JAZF1: variants seen among roughly 807,000 people sequenced by gnomAD.
JAZF1 encodes JAZF zinc finger 1.
Under a neutral mutation model 26.4 loss-of-function variants are expected in JAZF1, and 8 were observed. The ratio of observed to expected loss-of-function variants is 0.30; its 90% CI spans 0.18 to 0.55. JAZF1 has a LOEUF of 0.55. Among genes scored for constraint, JAZF1 ranks in the 20% least tolerant of loss-of-function variants. JAZF1 has a pLI of 0.94. For missense variants in JAZF1, 199 were observed against 322.0 expected, an observed-to-expected ratio of 0.62 and a Z score of 2.92; for synonymous variants, 126 against 122.3, an observed-to-expected ratio of 1.03 and a Z score of -0.20.
chr7:28,071,442 G>A (rs7783206), intron 1 of JAZF1, among the ~76,000 whole-genome samples: 25,811 of 152,122 alleles, frequency 0.17, 4,426 homozygotes, highest in African/African-American at 0.43. Context: ...AAAATCTTTA[G>A]TCCTCCTTTC....
intron 1 of JAZF1, among the ~76,000 whole-genome samples, chr7:28,153,040 G>C (rs937663642): frequency 1.1e-4 from 17 of 152,230 alleles, no homozygotes; most frequent in African/African-American, 3.6e-4. Context: ...TCATGTAAAA[G>C]GTTTGTTGAG....
intron 3 of JAZF1, among the ~76,000 whole-genome samples, chr7:27,894,530 C>G (rs897051584): frequency 3.9e-5 from 6 of 152,048 alleles, no homozygotes; most frequent in African/African-American, 1.5e-4. Context: ...AGGCGAGGAC[C>G]TGGAGGAGAG....
intron 3 of JAZF1, among the ~76,000 whole-genome samples, chr7:27,849,245 G>T (rs1164687589): frequency 6.6e-6 from 1 of 152,244 alleles, no homozygotes; most frequent in African/African-American, 2.4e-5. Flanking sequence ...GTGACGTTCA[G>T]TGTGTGAGCA....
intron 1 of JAZF1, among the ~76,000 whole-genome samples, chr7:28,154,838 A>G (rs188905470): frequency 6.6e-6 from 1 of 152,028 alleles, no homozygotes; most frequent in Non-Finnish European, 1.5e-5. Flanking sequence ...TGAAAAAAAA[A>G]GGGGGCTCTC....
chr7:28,175,624 C>T (rs532093662), intron 1 of JAZF1, among the ~76,000 whole-genome samples: 2 of 152,176 alleles, frequency 1.3e-5, no homozygotes, highest in Non-Finnish European at 2.9e-5. Flanking sequence ...AGGCTGGATT[C>T]GCTATGCCAC....
At chr7:28,018,013 C>T (rs1375588330) in intron 1 of JAZF1, among the ~76,000 whole-genome samples, 2 of 152,138 alleles carry the variant, frequency 1.3e-5, no homozygotes, top group Non-Finnish European at 2.9e-5. Flanking sequence ...CTCGGGTGAT[C>T]CGCCCACCTC....
chr7:27,856,122 C>G (rs1783244913), intron 3 of JAZF1, among the ~76,000 whole-genome samples: 1 of 152,204 alleles, frequency 6.6e-6, no homozygotes, highest in African/African-American at 2.4e-5. Context: ...GTGTGTGTTA[C>G]AGTTCTTAAA....
At chr7:28,076,351 G>A (rs1364887412) in intron 1 of JAZF1, among the ~76,000 whole-genome samples, 2 of 152,132 alleles carry the variant, frequency 1.3e-5, no homozygotes, top group African/African-American at 4.8e-5. Context: ...AACAGAAACT[G>A]TGACAATAAA....
intron 1 of JAZF1, among the ~76,000 whole-genome samples, chr7:28,118,757 G>A (rs1339380810): frequency 8.8e-6 from 1 of 113,088 alleles, no homozygotes; most frequent in Non-Finnish European, 1.8e-5. Context: ...TTCTAAGAGA[G>A]TTTTACACAC....
intron 1 of JAZF1, among the ~76,000 whole-genome samples, chr7:28,154,172 A>G (rs554854677): frequency 6.6e-6 from 1 of 152,278 alleles, no homozygotes; most frequent in Admixed American, 6.5e-5. Flanking sequence ...GGCTTATATG[A>G]CTATTTAAGA....
chr7:28,094,378 C>A (rs1433313276), intron 1 of JAZF1, among the ~76,000 whole-genome samples: 1 of 152,196 alleles, frequency 6.6e-6, no homozygotes, highest in African/African-American at 2.4e-5. Context: ...AACCAAAGGG[C>A]TGACTCGCCA....
intron 1 of JAZF1, among the ~76,000 whole-genome samples, chr7:28,145,460 C>A (rs772699993): frequency 6.6e-6 from 1 of 152,264 alleles, no homozygotes; most frequent in East Asian, 1.9e-4. Context: ...CTTAATCTTA[C>A]CCCTAAGTAA....
intron 2 of JAZF1, among the ~76,000 whole-genome samples, chr7:27,957,685 G>A (rs2128356387): frequency 6.6e-6 from 1 of 152,242 alleles, no homozygotes; most frequent in African/African-American, 2.4e-5. Flanking sequence ...TCAGACTACT[G>A]CAATTACACA....
Position 28,119,526 on chromosome 7 carries a change from A to G in JAZF1, c.115+60937T>C, listed in dbSNP as rs1373559873. ...ATCCTGCCCGTCCTTTTTGTTTCCA[A>G]TGCCACTCATCTATTTCAGACCCTC... On this transcript the variant is annotated intron_variant, in intron 1 of 4. Coordinates refer to ENST00000283928, the MANE Select transcript of JAZF1 (RefSeq NM_175061.4). Among the ~76,000 whole-genome samples the G allele has an allele frequency of 3.3e-5, 5 of 151,952 alleles. No homozygotes were observed. The East Asian group carries it at 9.7e-4, about 29-fold the overall frequency.
intron 1 of JAZF1, among the ~76,000 whole-genome samples, chr7:28,141,054 T>C (rs1317991515): frequency 6.6e-6 from 1 of 152,234 alleles, no homozygotes; most frequent in Non-Finnish European, 1.5e-5. Context: ...AGTAAGCTCT[T>C]GGTTATGTTA....
intron 3 of JAZF1, among the ~76,000 whole-genome samples, chr7:27,870,969 T>C (rs1374383384): frequency 6.6e-6 from 1 of 152,200 alleles, no homozygotes; most frequent in Admixed American, 6.5e-5. Context: ...CTGGATGATT[T>C]TGACTGGGTT....
At chr7:28,088,006 G>T (rs1784236023) in intron 1 of JAZF1, among the ~76,000 whole-genome samples, 1 of 152,110 alleles carries the variant, frequency 6.6e-6, no homozygotes, top group African/African-American at 2.4e-5. Context: ...GACAAGTCCT[G>T]CTTCCCAGTG....
chr7:27,856,802 G>C (rs1278198326), intron 3 of JAZF1, among the ~76,000 whole-genome samples: 1 of 152,194 alleles, frequency 6.6e-6, no homozygotes, highest in Admixed American at 6.5e-5. Flanking sequence ...GGTTCTCCAA[G>C]TCCCCACCAG....
At chr7:28,055,419 C>T (rs780315752) in intron 1 of JAZF1, among the ~76,000 whole-genome samples, 106 of 152,216 alleles carry the variant, frequency 7.0e-4, no homozygotes, top group Non-Finnish European at 1.1e-3. Context: ...ACAGCCTTCC[C>T]TAAGCCCGTC....
Sources: gnomAD v4.1 joint callset for allele counts (sites outside exome capture counted in the v4.1 genomes callset) on GRCh38, gnomAD v4.1.1 for gene constraint, MANE v1.5 for transcripts, NCBI Gene and HGNC (gene_info 2026-07-23, HGNC 2026-07-21) for gene names.